The following DDX1 variants were observed in gnomAD, a reference collection of about 807,000 sequenced individuals.
DDX1 encodes DEAD-box helicase 1, also known as ATP-dependent RNA helicase DDX1.
In DDX1, 28 loss-of-function variants were observed where a neutral mutation model predicts 108.7. The ratio of observed to expected loss-of-function variants is 0.26; its 90% CI spans 0.19 to 0.35. DDX1 has a LOEUF of 0.35. Among genes scored for constraint, DDX1 ranks in the 10% least tolerant of loss-of-function variants. The pLI is 1.00. For missense variants in DDX1, 710 were observed against 884.5 expected, an observed-to-expected ratio of 0.80 and a Z score of 2.50; for synonymous variants, 295 against 288.9, an observed-to-expected ratio of 1.02 and a Z score of -0.21.
chr2:15,618,719 G>T (rs566727943), intron 16 of DDX1, among the ~76,000 whole-genome samples: 2 of 152,248 alleles, frequency 1.3e-5, no homozygotes, highest in African/African-American at 2.4e-5. Context: ...TGTTCATGGT[G>T]CCCAGACTGT....
chr2:15,613,037 G>GAGGGT (rs1558455979), intron 13 of DDX1, among the ~76,000 whole-genome samples, 187 bp from the exon 14 acceptor site: 1 of 151,872 alleles, frequency 6.6e-6, no homozygotes, highest in Non-Finnish European at 1.5e-5. Context: ...AGGGAGAGGG[G>GAGGGT]GAGGGGGAGG....
At chr2:15,593,403 GA>G in intron 1 of DDX1, among the ~76,000 whole-genome samples, 1 of 152,146 alleles carries the variant, frequency 6.6e-6, no homozygotes, top group Non-Finnish European at 1.5e-5. Flanking sequence ...TAAAGGACTG[GA>G]AAAAGTCTGT....
In DDX1 at chr2:15,611,484, CCCGGACGGGGCGG is replaced by C. The variant is rs1369535510; in HGVS notation, c.957-1738_957-1726del. Among the ~76,000 whole-genome samples, 352 of 146,118 alleles carry C rather than the reference CCCGGACGGGGCGG, an allele frequency of 2.4e-3. 5 individuals are homozygous for C. The highest frequency in any genetic ancestry group is 0.017 in the East Asian group (71 of 4,208). ...GGCCGGGCAGAGGCTCCCCCCACCT[CCCGGACGGGGCGG>C]CTGGCCGGGCAGGGGGCTGACCCCC... is the stretch of plus-strand genomic sequence containing the variant. On this transcript the variant is annotated intron_variant, in intron 13 of 25. Coordinates refer to ENST00000233084, the MANE Select transcript of DDX1 (RefSeq NM_004939.3).
At chr2:15,613,146 A>T in intron 13 of DDX1, 78 bp from the exon 14 acceptor site, 1 of 959,418 alleles carries the variant, frequency 1.0e-6, no homozygotes, top group Non-Finnish European at 1.5e-6. Context: ...CACCTAAAAT[A>T]AATGGATGCA....
Position 15,591,948 on chromosome 2 carries a change from C to A in DDX1, c.15C>A (p.Ser5=). Residue 5 remains serine, a splice_region_variant and synonymous_variant, in exon 1 of 26, where the codon TCC becomes TCA. Coordinates refer to ENST00000233084, the MANE Select transcript of DDX1 (RefSeq NM_004939.3). ...ACGGGGTGAAGATGGCGGCCTTCTC[C>A]GGTGCGTTTGTGGAAACTCTGGGGG... The part of the protein sequence containing the change: MAAF[S]EMGVMPEIAQ... 3.5e-6 allele frequency: 5 copies of A among 1,433,200 alleles called. No individual in the cohort carries two copies. Among genetic ancestry groups the A allele is most frequent in the Middle Eastern group, 3.6e-4 (2 of 5,480 alleles). 88.8% of individuals were successfully genotyped at this position (1,433,200 alleles called of 1,614,324 possible).
chr2:15,625,843 CAT>C (rs1360739115), intron 19 of DDX1, among the ~76,000 whole-genome samples: 1 of 151,382 alleles, frequency 6.6e-6, no homozygotes. Context: ...AACTAATGGT[CAT>C]ATAAAGAATA....
At chr2:15,625,689 T>G (rs1427444531) in intron 19 of DDX1, among the ~76,000 whole-genome samples, 1 of 151,982 alleles carries the variant, frequency 6.6e-6, no homozygotes, top group Non-Finnish European at 1.5e-5. Flanking sequence ...ATATAAATAT[T>G]GGAAAAATAT....
chr2:15,629,523 T>C (rs1666157585), intron 23 of DDX1, 79 bp from the exon 24 acceptor site: 4 of 1,090,084 alleles, frequency 3.7e-6, no homozygotes, highest in Admixed American at 2.8e-5. Context: ...CAGAAAACAA[T>C]TAAAAACAAA....
chr2:15,615,974 C>T (rs1333831341), intron 14 of DDX1, among the ~76,000 whole-genome samples: 6 of 151,966 alleles, frequency 3.9e-5, no homozygotes. Context: ...CTCACTGCAA[C>T]GTCTGCCTCC....
intron 1 of DDX1, among the ~76,000 whole-genome samples, chr2:15,593,411 CTG>C (rs1305049381): frequency 6.6e-6 from 1 of 152,108 alleles, no homozygotes; most frequent in Non-Finnish European, 1.5e-5. Flanking sequence ...TGGAAAAAGT[CTG>C]TGATATGAAA....
chr2:15,605,833 T>C (rs1177643085), intron 10 of DDX1, 117 bp from the exon 11 acceptor site: 2 of 689,040 alleles, frequency 2.9e-6, no homozygotes, highest in Non-Finnish European at 4.8e-6. Flanking sequence ...CAGCACAGTT[T>C]ATCCATAGTG....
chr2:15,594,482 A>G (rs1004619137), intron 1 of DDX1, among the ~76,000 whole-genome samples: 1 of 152,194 alleles, frequency 6.6e-6, no homozygotes, highest in Non-Finnish European at 1.5e-5. Context: ...ACTCATCTCT[A>G]TTCATTTAGG....
At chr2:15,602,463 A>AT (rs1333241084) in intron 6 of DDX1, 85 bp from the exon 7 acceptor site, 120 of 909,820 alleles carry the variant, frequency 1.3e-4, no homozygotes, top group Middle Eastern at 2.2e-4. Context: ...AGACTGAATG[A>AT]TTTTTTTTGG....
chr2:15,597,533 A>C (rs1665521979), intron 5 of DDX1, 62 bp downstream of exon 5: 9 of 1,105,908 alleles, frequency 8.1e-6, no homozygotes, highest in Non-Finnish European at 1.2e-5. Flanking sequence ...ACTGACAGTT[A>C]GGAAAGTGAG....
intron 19 of DDX1, 55 bp from the exon 20 acceptor site, chr2:15,626,999 A>G (rs1666108253): frequency 2.1e-5 from 24 of 1,159,306 alleles, no homozygotes; most frequent in South Asian, 7.0e-5. Flanking sequence ...GCTTTTTTAC[A>G]TAGTCTTAGG....
In DDX1 at chr2:15,611,239, T is replaced by G. The variant is rs1009316863; in HGVS notation, c.957-1985T>G. ...TCAACAGGATCCCAAGGCAGAAGAA[T>G]TTTTCTTAGTACAGAACAAAATGAA... is the stretch of plus-strand genomic sequence containing the variant. On this transcript the variant is annotated intron_variant, in intron 13 of 25. Transcript: ENST00000233084. 2.6e-5 allele frequency among the ~76,000 whole-genome samples: 4 copies of G among 151,166 alleles called. No individual in the cohort carries two copies. In the East Asian group the frequency reaches 5.8e-4, roughly 22 times the overall value.
chr2:15,628,951 AC>A, intron 23 of DDX1, 112 bp downstream of exon 23: 1 of 966,920 alleles, frequency 1.0e-6, no homozygotes, highest in Non-Finnish European at 1.6e-6. Context: ...CGTATGGAAT[AC>A]AAATGAACTT....
rs1486278039 is a variant in DDX1, at chr2:15,603,209, G to T, written c.409G>T (p.Val137Leu). ...CCTTGTAGGGAAACACTACTATGAA[G>T]TATCCTGTCATGACCAAGGGTTATG... ...GLMKGKHYYE[V>L]SCHDQGLCRV... Residue 137 changes from valine to leucine, a missense_variant, in exon 8 of 26, where the codon GTA (valine) becomes TTA (leucine). Physicochemically the swap from Val to Leu is conservative, Grantham distance 32. Around this residue, in one of 3 missense-constraint regions of DDX1, gnomAD observed 661 missense variants for 810.2 expected, o/e 0.82. Coordinates refer to ENST00000233084, the MANE Select transcript of DDX1 (RefSeq NM_004939.3). 6.2e-7 allele frequency: 1 copy of T among 1,612,486 alleles called. No individual in the cohort carries two copies. The highest frequency in any genetic ancestry group is 8.5e-7 in the Non-Finnish European group (1 of 1,178,838).
chr2:15,597,514 G>T, intron 5 of DDX1, 43 bp downstream of exon 5: 1 of 1,277,612 alleles, frequency 7.8e-7, no homozygotes, highest in Non-Finnish European at 1.1e-6. Flanking sequence ...TAAATCATTG[G>T]TTCTCATCAC....
Sources: allele counts gnomAD v4.1 joint callset (sites outside exome capture counted in the v4.1 genomes callset), GRCh38; gene constraint gnomAD v4.1.1; regional missense constraint gnomAD v4.1.1; transcripts MANE v1.5; gene names NCBI Gene and HGNC (gene_info 2026-07-23, HGNC 2026-07-21).